PAPOLG: variants seen among roughly 807,000 people sequenced by gnomAD.
PAPOLG encodes PAP-gamma.
PAPOLG carries 40 observed loss-of-function variants against 99.0 expected under a neutral mutation model. The ratio of observed to expected loss-of-function variants is 0.40; its 90% CI spans 0.31 to 0.53. The LOEUF (loss-of-function observed/expected upper bound fraction) is 0.53, where lower values mean the gene tolerates loss of function less well. PAPOLG is among the 20% of genes least tolerant of loss of function. The probability of loss-of-function intolerance (pLI) is 0.41; values close to 1 mark genes in which losing one functional copy is unlikely to be tolerated. For synonymous variants in PAPOLG, 310 were observed against 299.3 expected (o/e 1.04, Z -0.37); for missense variants, 675 against 884.1 (o/e 0.76, Z 3.00).
intron 3 of PAPOLG, among the ~76,000 whole-genome samples, chr2:60,763,152 C>T (rs1037329932): frequency 1.3e-5 from 2 of 151,802 alleles, no homozygotes; most frequent in African/African-American, 4.8e-5. Context: ...ACATAGCTCA[C>T]TGCAGTCTCA....
At chr2:60,789,359 T>TAAATAAA (rs78832489) in intron 15 of PAPOLG, among the ~76,000 whole-genome samples, 1 of 151,506 alleles carries the variant, frequency 6.6e-6, no homozygotes, top group African/African-American at 2.4e-5. Flanking sequence ...AATAAATAAA[T>TAAATAAA]AAATAAAAAA....
Position 60,782,653 on chromosome 2 carries a change from CTTTTTTTTTTTTT to C in PAPOLG, c.1028-20_1028-8del, listed in dbSNP as rs747526129. 7.5e-6 allele frequency: 8 copies of C among 1,063,762 alleles called. No individual in the cohort carries two copies. Among genetic ancestry groups the C allele is most frequent in the South Asian group, 5.7e-5 (3 of 52,864 alleles). 65.9% of individuals were successfully genotyped at this position (1,063,762 alleles called of 1,614,324 possible). ...GTCCCTTTTCAAAATCATTCTTCTT[CTTTTTTTTTTTTT>C]TTTTTTTTTTTTAATTTAGGTCTTG... On this transcript the variant is annotated intron_variant, in intron 11 of 21. Transcript: ENST00000238714.
chr2:60,759,135 G>C (rs1478916635), intron 1 of PAPOLG, among the ~76,000 whole-genome samples: 2 of 152,162 alleles, frequency 1.3e-5, no homozygotes, highest in African/African-American at 4.8e-5. Flanking sequence ...GTGGGAGGCC[G>C]AGACTGTTGG....
intron 21 of PAPOLG, 113 bp downstream of exon 21, chr2:60,795,133 C>T: frequency 1.1e-6 from 1 of 906,670 alleles, no homozygotes; most frequent in Non-Finnish European, 1.7e-6. Flanking sequence ...AAGATTTTGT[C>T]CCTGTCCCCA....
chr2:60,771,487 AT>A (rs752159910), intron 6 of PAPOLG, 31 bp from the exon 7 acceptor site: 2 of 1,564,802 alleles, frequency 1.3e-6, no homozygotes, highest in South Asian at 1.2e-5. Context: ...AGAAAATGTA[AT>A]TTTTTTCTCT....
chr2:60,796,984 GTGAC>G (rs920964302), intron 21 of PAPOLG, 74 bp from the exon 22 acceptor site: 1 of 1,571,466 alleles, frequency 6.4e-7, no homozygotes, highest in Non-Finnish European at 8.6e-7. Flanking sequence ...CCCAAGTTTT[GTGAC>G]TGACTTTCTA....
intron 19 of PAPOLG, 27 bp downstream of exon 19, chr2:60,794,218 C>G (rs1229950973): frequency 1.9e-6 from 3 of 1,588,476 alleles, no homozygotes; most frequent in Admixed American, 1.8e-5. Context: ...AGTGGTAATT[C>G]AGTAGTTGAT....
rs1671552327 is a variant in PAPOLG, at chr2:60,792,111, A to T, written c.1519-18A>T. The T allele has an allele frequency of 1.9e-6, 3 of 1,566,978 alleles. No homozygotes were observed. Among genetic ancestry groups the T allele is most frequent in the African/African-American group, 1.4e-5 (1 of 72,290 alleles). On this transcript the variant is annotated intron_variant, in intron 16 of 21. Coordinates refer to ENST00000238714, the MANE Select transcript of PAPOLG (RefSeq NM_022894.4). ...GTCATTTGCATTTTGAAATCCTAAA[A>T]TCGTTCCCTTCTTTCAGCAAAGTCT...
intron 7 of PAPOLG, among the ~76,000 whole-genome samples, chr2:60,774,328 A>AT (rs1670947879): frequency 6.8e-6 from 1 of 147,532 alleles, no homozygotes; most frequent in African/African-American, 2.5e-5. Context: ...GACCTCACAG[A>AT]TTCCCAGGGG....
intron 21 of PAPOLG, 49 bp downstream of exon 21, chr2:60,795,069 T>C (rs1350255813): frequency 3.4e-6 from 5 of 1,464,734 alleles, no homozygotes; most frequent in East Asian, 4.5e-5. Flanking sequence ...TAAAAACTCA[T>C]AGGTAATCTA....
intron 6 of PAPOLG, 100 bp downstream of exon 6, chr2:60,770,611 TC>T: frequency 1.4e-6 from 1 of 726,700 alleles, no homozygotes; most frequent in South Asian, 2.3e-5. Context: ...TTTTAAAAAA[TC>T]AAGTAATCTC....
At chr2:60,794,583 C>A in intron 19 of PAPOLG, 127 bp from the exon 20 acceptor site, 1 of 771,540 alleles carries the variant, frequency 1.3e-6, no homozygotes, top group Non-Finnish European at 2.1e-6. Flanking sequence ...ATTATCTTCT[C>A]TTACCAATCC....
chr2:60,768,725 T>C, intron 4 of PAPOLG, 56 bp from the exon 5 acceptor site: 1 of 1,433,022 alleles, frequency 7.0e-7, no homozygotes, highest in Non-Finnish European at 9.4e-7. Context: ...GTGTGTACTT[T>C]AACAAAGAAT....
chr2:60,785,929 T>A (rs1053441204), intron 13 of PAPOLG, among the ~76,000 whole-genome samples: 1 of 152,140 alleles, frequency 6.6e-6, no homozygotes, highest in Non-Finnish European at 1.5e-5. Context: ...AAGCCATGAC[T>A]GTTTTATAGT....
intron 19 of PAPOLG, 26 bp downstream of exon 19, chr2:60,794,217 T>C (rs376297537): frequency 6.3e-6 from 10 of 1,590,382 alleles, no homozygotes; most frequent in Non-Finnish European, 7.7e-6. Context: ...TAGTGGTAAT[T>C]CAGTAGTTGA....
chr2:60,758,080 C>G (rs1426994653), intron 1 of PAPOLG, among the ~76,000 whole-genome samples: 1 of 152,066 alleles, frequency 6.6e-6, no homozygotes, highest in Non-Finnish European at 1.5e-5. Context: ...TATTCAATAC[C>G]CCTTAGGATT....
At position 60,794,244 on chromosome 2, in the gene PAPOLG, T is replaced by C; in HGVS notation, c.1989+53T>C. Reference sequence around the variant, plus strand: ...AGTAGTTGATATTTTTTATAGTTAATACTAAAGAAACAATTTTCCATAGCT... The same window carrying C: ...AGTAGTTGATATTTTTTATAGTTAACACTAAAGAAACAATTTTCCATAGCT... On this transcript the variant is annotated intron_variant, in intron 19 of 21. Coordinates refer to ENST00000238714, the MANE Select transcript of PAPOLG (RefSeq NM_022894.4). 3 of 1,504,988 alleles carry C rather than the reference T, an allele frequency of 2.0e-6. No homozygotes were observed. In the Admixed American group the frequency reaches 6.3e-5, roughly 32 times the overall value. The allele number at this position is 1,504,988 out of a possible 1,614,324, so 93.2% of individuals were successfully genotyped here. A position where few individuals can be genotyped will look rare whatever the true frequency, so the allele number is the denominator to read the frequency against.
At chr2:60,763,535 G>A (rs1670583487) in intron 3 of PAPOLG, among the ~76,000 whole-genome samples, 1 of 150,976 alleles carries the variant, frequency 6.6e-6, no homozygotes, top group Admixed American at 6.6e-5. Flanking sequence ...ATAGAATCTT[G>A]CTCTGTCACC....
At chr2:60,793,536 C>T in intron 17 of PAPOLG, 91 bp from the exon 18 acceptor site, 1 of 1,460,148 alleles carries the variant, frequency 6.8e-7, no homozygotes, top group Non-Finnish European at 9.3e-7. Context: ...TGCACTCCAA[C>T]TTGGGCAGTA....
Sources: allele counts gnomAD v4.1 joint callset (sites outside exome capture counted in the v4.1 genomes callset), GRCh38; gene constraint gnomAD v4.1.1; transcripts MANE v1.5; gene names NCBI Gene and HGNC (gene_info 2026-07-23, HGNC 2026-07-21).